BABAM2: variants seen among roughly 807,000 people sequenced by gnomAD.
BABAM2 encodes BRISC and BRCA1 A complex member 2, also known as BRISC and BRCA1-A complex member 2.
In BABAM2, 31 loss-of-function variants were observed where a neutral mutation model predicts 54.7. That is an observed-to-expected ratio of 0.57 (90% CI 0.43 to 0.77). BABAM2 has a LOEUF of 0.77. Among genes scored for constraint, BABAM2 ranks in the 30% least tolerant of loss-of-function variants. BABAM2 has a pLI of 0.00. For synonymous variants in BABAM2, 167 were observed against 162.9 expected, an observed-to-expected ratio of 1.03 and a Z score of -0.19; for missense variants, 364 against 455.8, an observed-to-expected ratio of 0.80 and a Z score of 1.83.
intron 7 of BABAM2, among the ~76,000 whole-genome samples, chr2:28,167,594 T>C (rs968329364): frequency 6.6e-6 from 1 of 151,582 alleles, no homozygotes; most frequent in Non-Finnish European, 1.5e-5. Context: ...CTAGGGAGTC[T>C]GAGGCAGGAG....
chr2:28,081,921 T>G (rs1394478012), intron 6 of BABAM2, among the ~76,000 whole-genome samples: 1 of 152,238 alleles, frequency 6.6e-6, no homozygotes, highest in Non-Finnish European at 1.5e-5. Flanking sequence ...AAAAAACAAT[T>G]ATCTACTATG....
chr2:28,287,696 G>C (rs868070934), intron 10 of BABAM2, among the ~76,000 whole-genome samples: 15 of 152,180 alleles, frequency 9.9e-5, no homozygotes, highest in African/African-American at 3.6e-4. Context: ...CACAGAGTTG[G>C]AAGCAATAGC....
chr2:27,972,360 CT>C (rs1671278749), intron 3 of BABAM2, among the ~76,000 whole-genome samples: 2 of 152,158 alleles, frequency 1.3e-5, no homozygotes, highest in Non-Finnish European at 2.9e-5. Context: ...TAAGAAAGAA[CT>C]TTTTTCAACG....
At chr2:28,016,479 C>T (rs1674824038) in intron 4 of BABAM2, 2 of 1,177,608 alleles carry the variant, frequency 1.7e-6, no homozygotes, top group East Asian at 4.8e-5. Flanking sequence ...TCCCACTTGC[C>T]CATGGTGCTG....
At chr2:28,089,171 C>G (rs1302304341) in intron 6 of BABAM2, among the ~76,000 whole-genome samples, 1 of 152,170 alleles carries the variant, frequency 6.6e-6, no homozygotes, top group Non-Finnish European at 1.5e-5. Flanking sequence ...CTCCTTCATT[C>G]CTTTGACATG....
intron 2 of BABAM2, among the ~76,000 whole-genome samples, chr2:27,898,957 T>TA (rs944907147): frequency 3.1e-3 from 438 of 142,832 alleles, no homozygotes; most frequent in Middle Eastern, 7.1e-3. Context: ...AAGCTGTCAT[T>TA]AAAAAAAAAA....
intron 4 of BABAM2, among the ~76,000 whole-genome samples, chr2:27,998,422 C>T (rs543403118): frequency 9.9e-5 from 15 of 151,828 alleles, no homozygotes; most frequent in East Asian, 7.7e-4. Flanking sequence ...TTTTTATTTC[C>T]GGTGTTTTTC....
chr2:28,097,922 T>C (rs181101449), intron 6 of BABAM2, among the ~76,000 whole-genome samples: 1 of 152,244 alleles, frequency 6.6e-6, no homozygotes, highest in Non-Finnish European at 1.5e-5. Context: ...TCTTTATTTC[T>C]GAATTCTATT....
chr2:28,032,925 A>T (rs997590983), intron 5 of BABAM2, among the ~76,000 whole-genome samples: 1 of 152,206 alleles, frequency 6.6e-6, no homozygotes, highest in Non-Finnish European at 1.5e-5. Flanking sequence ...CTATAAAAAA[A>T]TACAGAAACC....
chr2:28,164,961 T>G (rs1673489828), intron 7 of BABAM2, among the ~76,000 whole-genome samples: 1 of 152,208 alleles, frequency 6.6e-6, no homozygotes, highest in Non-Finnish European at 1.5e-5. Flanking sequence ...GTACTAGGTA[T>G]CAAAAGAGAA....
intron 6 of BABAM2, among the ~76,000 whole-genome samples, chr2:28,070,299 C>A (rs535675124): frequency 6.6e-6 from 1 of 152,280 alleles, no homozygotes; most frequent in East Asian, 1.9e-4. Flanking sequence ...TGAAAACTAT[C>A]CCCTCTGTTA....
intron 10 of BABAM2, among the ~76,000 whole-genome samples, chr2:28,273,949 G>A (rs1414802994): frequency 6.6e-6 from 1 of 152,166 alleles, no homozygotes; most frequent in Non-Finnish European, 1.5e-5. Context: ...AAAGCAAAGG[G>A]GAAGGCGTCA....
chr2:28,172,478 G>C (rs544730464), intron 7 of BABAM2, among the ~76,000 whole-genome samples: 5 of 152,318 alleles, frequency 3.3e-5, no homozygotes, highest in African/African-American at 1.2e-4. Flanking sequence ...CAGACAAGAA[G>C]CACACTACAC....
intron 7 of BABAM2, among the ~76,000 whole-genome samples, chr2:28,192,223 A>G (rs1321250976): frequency 1.3e-5 from 2 of 151,748 alleles, no homozygotes; most frequent in African/African-American, 4.8e-5. Context: ...TTTAGTAGAG[A>G]CGGGGTTTCA....
intron 2 of BABAM2, among the ~76,000 whole-genome samples, chr2:27,911,512 T>A (rs1484433619): frequency 1.3e-5 from 2 of 151,856 alleles, no homozygotes; most frequent in Non-Finnish European, 2.9e-5. Context: ...GAAGAAAAGA[T>A]TATAGAAAAG....
chr2:28,147,159 T>C (rs1471438474), intron 7 of BABAM2, among the ~76,000 whole-genome samples: 1 of 152,214 alleles, frequency 6.6e-6, no homozygotes, highest in Non-Finnish European at 1.5e-5. Context: ...CACAGGATTC[T>C]GAACTCGAAG....
intron 6 of BABAM2, among the ~76,000 whole-genome samples, chr2:28,123,130 T>A (rs1053537537): frequency 3.9e-5 from 6 of 152,196 alleles, no homozygotes; most frequent in African/African-American, 1.4e-4. Flanking sequence ...ATTAATTCCA[T>A]TTTTTCCATC....
chr2:28,267,580 A>G (rs1685093401), intron 10 of BABAM2, among the ~76,000 whole-genome samples: 1 of 152,212 alleles, frequency 6.6e-6, no homozygotes, highest in African/African-American at 2.4e-5. Flanking sequence ...CTGTCAATTC[A>G]GTGGTGGTCA....
chr2:28,168,619 C>T (rs1309696264), intron 7 of BABAM2, among the ~76,000 whole-genome samples: 1 of 152,104 alleles, frequency 6.6e-6, no homozygotes, highest in East Asian at 1.9e-4. Flanking sequence ...TTGTCCAATG[C>T]GTTGTTGACA....
Sources: allele counts gnomAD v4.1 joint callset (sites outside exome capture counted in the v4.1 genomes callset), GRCh38; gene constraint gnomAD v4.1.1; transcripts MANE v1.5; gene names NCBI Gene and HGNC (gene_info 2026-07-23, HGNC 2026-07-21).